CREBBP: variants seen among roughly 807,000 people sequenced by gnomAD.
The protein encoded by CREBBP is CREB binding lysine acetyltransferase.
In CREBBP, 19 loss-of-function variants were observed where a neutral mutation model predicts 265.0. The ratio of observed to expected loss-of-function variants is 0.07; its 90% confidence interval spans 0.05 to 0.11. The LOEUF (loss-of-function observed/expected upper bound fraction) is 0.11, where lower values mean the gene tolerates loss of function less well. Ranked by LOEUF, CREBBP falls within the 10% of genes least tolerant of loss-of-function variation. CREBBP has a pLI of 1.00. For missense variants in CREBBP, 2,525 were observed against 3,219.0 expected (o/e 0.78, Z 5.22); for synonymous variants, 1,457 against 1,223.7 (o/e 1.19, Z -3.98).
chr16:3,728,992 C>T lies in CREBBP; in HGVS notation c.6055G>A (p.Gly2019Arg), dbSNP rs372852842. Residue 2019 changes from glycine (G) to arginine (R), a missense_variant, in exon 31 of 31, where the codon GGG (glycine) becomes AGG (arginine). Physicochemically the swap from Gly to Arg is moderately radical, Grantham distance 125. Around this residue, in one of 19 missense-constraint regions of CREBBP, gnomAD observed 275 missense variants for 276.5 expected, o/e 0.99. Transcript: ENST00000262367. The surrounding 1 kb of genome is among the most constrained non-coding windows in gnomAD (Gnocchi z 8.7). ...GGAAGGGGCGCCTGCTGCCACTGCCCGGGAGGCATGCTGGGCATGACGGGC... is the reference window on the plus strand; with the variant it reads ...GGAAGGGGCGCCTGCTGCCACTGCCTGGGAGGCATGCTGGGCATGACGGGC... ...SGPVMPSMPP[G>R]QWQQAPLPQQ... is the part of the protein sequence containing the mutation. 58 of 1,594,950 alleles carry T rather than the reference C, an allele frequency of 3.6e-5. No homozygotes were observed. Among genetic ancestry groups the T allele is most frequent in the East Asian group, 1.8e-4 (8 of 44,464 alleles).
intron 1 of CREBBP, among the ~76,000 whole-genome samples, chr16:3,858,238 A>G (rs946230590): frequency 2.6e-5 from 4 of 152,254 alleles, no homozygotes; most frequent in Non-Finnish European, 2.9e-5. Flanking sequence ...TGTGCAGCCA[A>G]TAACATTTGA....
At chr16:3,869,863 T>C (rs2055257969) in intron 1 of CREBBP, among the ~76,000 whole-genome samples, 1 of 152,146 alleles carries the variant, frequency 6.6e-6, no homozygotes, top group Non-Finnish European at 1.5e-5. Flanking sequence ...GAGAAAGCCA[T>C]CAGTGAAAGC....
At chr16:3,732,706 A>G (rs538795828) in intron 28 of CREBBP, among the ~76,000 whole-genome samples, 1 of 151,474 alleles carries the variant, frequency 6.6e-6, no homozygotes, top group South Asian at 2.1e-4. Flanking sequence ...CCGGCTACCT[A>G]TCATTTTTTT....
intron 16 of CREBBP, chr16:3,761,453 C>G: frequency 2.0e-6 from 1 of 492,878 alleles, no homozygotes; most frequent in Non-Finnish European, 4.0e-6. Flanking sequence ...CTGGTGAAAG[C>G]AAAAGTTAAA....
chr16:3,852,299 G>A (rs1385037219), intron 1 of CREBBP, among the ~76,000 whole-genome samples: 1 of 148,850 alleles, frequency 6.7e-6, no homozygotes, highest in Non-Finnish European at 1.5e-5. Flanking sequence ...CTCCCAAGTA[G>A]CTGGGATTAT....
At chr16:3,865,892 T>C (rs8043810) in intron 1 of CREBBP, among the ~76,000 whole-genome samples, 8,603 of 152,096 alleles carry the variant, frequency 0.057, 625 homozygotes, top group African/African-American at 0.17. Context: ...AACTCAGCCT[T>C]CCAAAGTGCA....
rs762396155 is a variant in CREBBP at position 3,745,361 on chromosome 16, G to C, written c.3837-7C>G. 1 of 1,613,662 alleles carries C rather than the reference G, an allele frequency of 6.2e-7. No individual in the cohort carries two copies. The highest frequency in any genetic ancestry group is 1.3e-5 in the African/African-American group (1 of 74,900). On this transcript the variant is annotated splice_region_variant and splice_polypyrimidine_tract_variant and intron_variant, in intron 21 of 30. Transcript: ENST00000262367. ...CTCCTTGCAATCAACGAAACTAGGA[G>C]GCAAAGAAGGCGCACTGTTAAAGCA... is the stretch of plus-strand genomic sequence containing the variant.
intron 1 of CREBBP, among the ~76,000 whole-genome samples, chr16:3,879,631 G>A (rs2055481126): frequency 2.0e-5 from 3 of 152,126 alleles, no homozygotes; most frequent in African/African-American, 2.4e-5. Context: ...AGTGCACCGG[G>A]CGTGTGCTGA....
intron 1 of CREBBP, 110 bp downstream of exon 1, chr16:3,879,722 T>C: frequency 8.3e-7 from 1 of 1,198,694 alleles, no homozygotes; most frequent in Non-Finnish European, 1.2e-6. Flanking sequence ...CGGGGCCTGC[T>C]CCGAGCTCCC....
At position 3,729,215 on chromosome 16, in the gene CREBBP, G is replaced by C. The variant is rs988073777; in HGVS notation, c.5832C>G (p.Ala1944=). The C allele has an allele frequency of 6.5e-7, 1 of 1,528,422 alleles. No homozygotes were observed. The highest frequency in any genetic ancestry group is 8.8e-7 in the Non-Finnish European group (1 of 1,142,654). The allele number at this position is 1,528,422 out of a possible 1,614,324, so 94.7% of individuals were successfully genotyped here. Residue 1944 remains alanine, a synonymous_variant, in exon 31 of 31, where the codon GCC becomes GCG. Transcript: ENST00000262367. ...GAGGGGGCTGGGCCGGGGGTGGGGG[G>C]GCCGGCACCTGGCTGGTAGGCTTCC... ...STGKPTSQVP[A]PPPPAQPPPA...
chr16:3,810,585 G>A lies in CREBBP; in HGVS notation c.975+18C>T. The A allele has an allele frequency of 1.2e-6, 2 of 1,613,180 alleles. No individual in the cohort carries two copies. Among genetic ancestry groups the A allele is most frequent in the Non-Finnish European group, 1.7e-6 (2 of 1,179,890 alleles). On this transcript the variant is annotated intron_variant, in intron 3 of 30. Transcript: ENST00000262367. ...ACCCACCGGAGAGCCATAACACTGAGGGCCAAGGGTAACTTACCATATTTG... is the reference window on the plus strand; with the variant it reads ...ACCCACCGGAGAGCCATAACACTGAAGGCCAAGGGTAACTTACCATATTTG...
intron 9 of CREBBP, among the ~76,000 whole-genome samples, 153 bp downstream of exon 9, chr16:3,778,547 C>G (rs1173313439): frequency 6.6e-6 from 1 of 152,198 alleles, no homozygotes; most frequent in Non-Finnish European, 1.5e-5. Context: ...AGATTTGTGT[C>G]TTATCTGGGA....
intron 2 of CREBBP, among the ~76,000 whole-genome samples, chr16:3,842,591 T>C (rs1045526973): frequency 1.3e-5 from 2 of 152,170 alleles, no homozygotes; most frequent in African/African-American, 2.4e-5. Flanking sequence ...AATAGTAATA[T>C]CATGTATTGT....
chr16:3,771,232 C>A (rs2053000855), intron 13 of CREBBP, among the ~76,000 whole-genome samples: 1 of 152,084 alleles, frequency 6.6e-6, no homozygotes, highest in Non-Finnish European at 1.5e-5. Context: ...CCACGCCCAG[C>A]TAATTTTTCT....
intron 2 of CREBBP, among the ~76,000 whole-genome samples, chr16:3,847,659 T>C (rs2054695618): frequency 1.3e-5 from 2 of 152,144 alleles, no homozygotes; most frequent in South Asian, 4.1e-4. Context: ...AACCCCAGGA[T>C]GGAATGAAAA....
At chr16:3,787,388 C>T (rs1241344697) in intron 5 of CREBBP, among the ~76,000 whole-genome samples, 11 of 152,174 alleles carry the variant, frequency 7.2e-5, no homozygotes, top group African/African-American at 2.7e-4. Flanking sequence ...AAACACATCA[C>T]CCACGACCCT....
At position 3,757,386 on chromosome 16, in the gene CREBBP, T is replaced by C. The variant is rs755035295; in HGVS notation, c.3610-10A>G. The stretch of plus-strand genomic sequence containing the variant: ...GTGGGGAAAACTCATACTGCAAAAA[T>C]AAAGGAGAAATACTTTTATATAAAA... On this transcript the variant is annotated splice_polypyrimidine_tract_variant and intron_variant, in intron 18 of 30. Transcript: ENST00000262367. The C allele has an allele frequency of 3.3e-5, 53 of 1,603,024 alleles. No individual in the cohort carries two copies. The highest frequency in any genetic ancestry group is 4.4e-5 in the Non-Finnish European group (52 of 1,171,410).
intron 30 of CREBBP, among the ~76,000 whole-genome samples, chr16:3,730,112 G>C (rs1276287688): frequency 1.3e-5 from 2 of 152,106 alleles, no homozygotes; most frequent in Non-Finnish European, 2.9e-5. Flanking sequence ...TGGACAGGAC[G>C]GGGGCATGGA....
intron 2 of CREBBP, among the ~76,000 whole-genome samples, chr16:3,830,947 T>C (rs1292710876): frequency 6.6e-6 from 1 of 152,184 alleles, no homozygotes; most frequent in Non-Finnish European, 1.5e-5. Flanking sequence ...CAAGCCTGGC[T>C]ATTAATTTTT....
Sources: gnomAD v4.1 joint callset for allele counts (sites outside exome capture counted in the v4.1 genomes callset) on GRCh38, gnomAD v4.1.1 for gene constraint, gnomAD v4.1.1 regional missense constraint, Gnocchi (gnomAD v3.1) non-coding constraint, MANE v1.5 for transcripts, NCBI Gene and HGNC (gene_info 2026-07-23, HGNC 2026-07-21) for gene names.